The following AACS variants were observed in gnomAD, a reference collection of about 807,000 sequenced individuals.
AACS encodes acetoacetyl-CoA synthetase, also known as acetoacetate-CoA ligase.
In AACS, 69 loss-of-function variants were observed where a neutral mutation model predicts 83.1. The ratio of observed to expected loss-of-function variants is 0.83; its 90% CI spans 0.68 to 1.01. AACS has a LOEUF of 1.01. Among genes scored for constraint, AACS ranks in the 50% least tolerant of loss-of-function variants. The pLI is 0.00. For missense variants in AACS, 866 were observed against 882.2 expected (o/e 0.98, Z 0.23); for synonymous variants, 333 against 343.4 (o/e 0.97, Z 0.33).
At chr12:125,114,365 A>G (rs1957012739) in intron 8 of AACS, 112 bp from the exon 9 acceptor site, 5 of 771,894 alleles carry the variant, frequency 6.5e-6, no homozygotes, top group Non-Finnish European at 1.0e-5. Context: ...GAAAATGGGG[A>G]TCTGCTGGGG....
intron 7 of AACS, 87 bp downstream of exon 7, chr12:125,103,168 G>A (rs1956754694): frequency 8.9e-7 from 1 of 1,127,812 alleles, no homozygotes; most frequent in South Asian, 1.4e-5. Flanking sequence ...TCTACTTGGG[G>A]TCACTCAGAG....
At chr12:125,141,042 T>A (rs1020496844) in intron 17 of AACS, 8 of 152,274 alleles carry the variant, frequency 5.3e-5, no homozygotes, top group African/African-American at 1.9e-4. Context: ...ATTCACCCAG[T>A]GACTCACAGC....
chr12:125,114,707 A>ATG (rs1957020412), intron 9 of AACS, 150 bp downstream of exon 9: 1 of 442,714 alleles, frequency 2.3e-6, no homozygotes, highest in Non-Finnish European at 3.8e-6. Context: ...GCTATACCAC[A>ATG]ATAGGGGCTT....
At chr12:125,123,768 A>G (rs1035422454) in intron 10 of AACS, 1 of 152,238 alleles carries the variant, frequency 6.6e-6, no homozygotes, top group Admixed American at 6.5e-5. Flanking sequence ...GGCCCCGAAG[A>G]GAATAACGTT....
At position 125,107,239 on chromosome 12, in the gene AACS, G is replaced by A. The variant is rs1259992246; in HGVS notation, c.886G>A (p.Ala296Thr). ...FIMFSSGTTG[A>T]PKCMVHSAGG... is the part of the protein sequence containing the mutation. Reference sequence around the variant, plus strand: ...CATGTTCTCATCGGGCACCACGGGCGCACCCAAGTGCATGGTGCATTCCGC... The same window carrying A: ...CATGTTCTCATCGGGCACCACGGGCACACCCAAGTGCATGGTGCATTCCGC... Residue 296 changes from alanine to threonine, a missense_variant, in exon 8 of 18, where the codon GCA (alanine) becomes ACA (threonine). Ala to Thr is a moderately conservative substitution (Grantham distance 58, BLOSUM62 0). Transcript: ENST00000316519. 6 of 1,613,802 alleles carry A rather than the reference G, an allele frequency of 3.7e-6. No homozygotes were observed. Among genetic ancestry groups the A allele is most frequent in the South Asian group, 2.2e-5 (2 of 91,092 alleles).
At chr12:125,133,912 A>G (rs1385859069) in intron 14 of AACS, 91 bp from the exon 15 acceptor site, 3 of 1,304,704 alleles carry the variant, frequency 2.3e-6, no homozygotes, top group Admixed American at 3.6e-5. Context: ...GGCCCCAGTG[A>G]TGTCTGCGGA....
rs1957478948 is a variant in AACS at position 125,140,984 on chromosome 12, A to G, written c.1882-1108A>G. On this transcript the variant is annotated intron_variant, in intron 17 of 17. Coordinates refer to ENST00000316519, the MANE Select transcript of AACS (RefSeq NM_023928.5). This position sits in a 1 kb window ranked among gnomAD's most constrained non-coding sequence, Gnocchi z 5.1. ...AAGTATAAATAAAAGTAAAATCATC[A>G]TAAAACATAGTAGCTAGGCACTTCT... 6.6e-6 allele frequency: 1 copy of G among 152,246 alleles called. No homozygotes were observed. The highest frequency in any genetic ancestry group is 6.5e-5 in the Admixed American group (1 of 15,282). The allele number at this position is 152,246 out of a possible 1,614,324, so 9.4% of individuals were successfully genotyped here. A position where few individuals can be genotyped will look rare whatever the true frequency, so the allele number is the denominator to read the frequency against.
intron 3 of AACS, among the ~76,000 whole-genome samples, chr12:125,081,431 G>C (rs995097215): frequency 2.0e-5 from 3 of 152,140 alleles, no homozygotes; most frequent in African/African-American, 7.2e-5. Flanking sequence ...TTATTGGCTC[G>C]GGGGCTTTAA....
chr12:125,066,980 G>A (rs998954375), intron 1 of AACS, among the ~76,000 whole-genome samples: 1 of 152,162 alleles, frequency 6.6e-6, no homozygotes, highest in African/African-American at 2.4e-5. Context: ...ACCAAACAGT[G>A]GTTGGTTTTC....
chr12:125,124,570 A>G, intron 10 of AACS, 135 bp from the exon 11 acceptor site: 1 of 931,588 alleles, frequency 1.1e-6, no homozygotes, highest in Admixed American at 2.5e-5. Context: ...GTAAACATGA[A>G]GTATGAGTTC....
At chr12:125,066,958 C>T (rs1385261509) in intron 1 of AACS, among the ~76,000 whole-genome samples, 1 of 152,192 alleles carries the variant, frequency 6.6e-6, no homozygotes, top group Non-Finnish European at 1.5e-5. Flanking sequence ...TCTGGGGCCT[C>T]CTTTCCTCCT....
At chr12:125,131,410 C>T (rs1957327254) in intron 14 of AACS, among the ~76,000 whole-genome samples, 1 of 152,014 alleles carries the variant, frequency 6.6e-6, no homozygotes, top group Admixed American at 6.6e-5. Context: ...TGAGGTCCCT[C>T]TATGTTGACC....
chr12:125,091,835 C>G (rs1452795454), intron 5 of AACS, among the ~76,000 whole-genome samples: 2 of 152,218 alleles, frequency 1.3e-5, no homozygotes, highest in African/African-American at 4.8e-5. Flanking sequence ...ATTTAGTGAC[C>G]ACGTGAGGTT....
intron 6 of AACS, 37 bp downstream of exon 6, chr12:125,102,830 G>T (rs755961200): frequency 1.3e-5 from 20 of 1,592,544 alleles, no homozygotes; most frequent in South Asian, 2.2e-5. Context: ...GGCATGGCTG[G>T]GTGTGTGTGT....
chr12:125,085,819 T>A (rs1799727384), intron 3 of AACS, among the ~76,000 whole-genome samples: 1 of 152,166 alleles, frequency 6.6e-6, no homozygotes, highest in Non-Finnish European at 1.5e-5. Flanking sequence ...AAAATCTTAT[T>A]TATTTATTTA....
In AACS at chr12:125,065,447, CCCG is replaced by C. The variant is rs907587024; in HGVS notation, c.-128_-126del. 13 of 975,894 alleles carry C rather than the reference CCCG, an allele frequency of 1.3e-5. No individual in the cohort carries two copies. The highest frequency in any genetic ancestry group is 1.8e-5 in the Non-Finnish European group (13 of 721,876). The allele number at this position is 975,894 out of a possible 1,614,324, so 60.5% of individuals were successfully genotyped here. Reference sequence around the variant, plus strand: ...GCGGCGGCCGTTCAGTCCCTTGTTCCCCGCCGCCGCCGTCGCTGACCCAGCCCG... The same window carrying C: ...GCGGCGGCCGTTCAGTCCCTTGTTCCCCGCCGCCGTCGCTGACCCAGCCCG... On this transcript the variant is annotated 5_prime_UTR_variant, in exon 1 of 18. Coordinates refer to ENST00000316519, the MANE Select transcript of AACS (RefSeq NM_023928.5).
rs1956629856 is a variant in AACS at position 125,097,332 on chromosome 12, G to A, written c.571-5347G>A. Among the ~76,000 whole-genome samples the A allele has an allele frequency of 1.3e-5, 2 of 152,014 alleles. No individual in the cohort carries two copies. The highest frequency in any genetic ancestry group is 6.6e-5 in the Admixed American group (1 of 15,264). On this transcript the variant is annotated intron_variant, in intron 5 of 17. Coordinates refer to ENST00000316519, the MANE Select transcript of AACS (RefSeq NM_023928.5). This position sits in a 1 kb window ranked among gnomAD's most constrained non-coding sequence, Gnocchi z 4.3. ...ATGGAGGAGGGAGGAGGTGGACGGTGACCGAAGGCCTGATGTCCTGAGGCC... is the reference window on the plus strand; with the variant it reads ...ATGGAGGAGGGAGGAGGTGGACGGTAACCGAAGGCCTGATGTCCTGAGGCC...
At chr12:125,124,405 A>G in intron 10 of AACS, 1 of 406,304 alleles carries the variant, frequency 2.5e-6, no homozygotes, top group South Asian at 3.8e-5. Flanking sequence ...CCCCCAAGAT[A>G]CAATACTCTG....
intron 4 of AACS, among the ~76,000 whole-genome samples, chr12:125,087,712 G>T (rs1204348184): frequency 1.3e-5 from 2 of 152,236 alleles, no homozygotes; most frequent in Non-Finnish European, 2.9e-5. Flanking sequence ...GAGGCAGGAG[G>T]AGCTGGGCGG....
Sources: gnomAD v4.1 joint callset for allele counts (sites outside exome capture counted in the v4.1 genomes callset) on GRCh38, gnomAD v4.1.1 for gene constraint, Gnocchi (gnomAD v3.1) non-coding constraint, MANE v1.5 for transcripts, NCBI Gene and HGNC (gene_info 2026-07-23, HGNC 2026-07-21) for gene names.